The following SLC2A13 variants were observed in gnomAD, a reference collection of about 807,000 sequenced individuals.
SLC2A13 encodes proton myo-inositol cotransporter.
SLC2A13 carries 32 observed loss-of-function variants against 64.4 expected under a neutral mutation model. The ratio of observed to expected loss-of-function variants is 0.50; its 90% CI spans 0.37 to 0.67. The LOEUF is 0.67. Ranked by LOEUF, SLC2A13 falls within the 30% of genes least tolerant of loss-of-function variation. The probability of loss-of-function intolerance (pLI) is 0.00; values close to 1 mark genes in which losing one functional copy is unlikely to be tolerated. For missense variants in SLC2A13, 743 were observed against 829.2 expected (o/e 0.90, Z 1.28); for synonymous variants, 338 against 327.1 (o/e 1.03, Z -0.36).
intron 7 of SLC2A13, among the ~76,000 whole-genome samples, chr12:39,825,170 A>C (rs1382617710): frequency 6.6e-6 from 1 of 152,206 alleles, no homozygotes; most frequent in Non-Finnish European, 1.5e-5. Context: ...CAAATACTGA[A>C]TCAGCGCATT....
chr12:40,095,155 C>A (rs1281137607), intron 1 of SLC2A13, among the ~76,000 whole-genome samples: 1 of 152,214 alleles, frequency 6.6e-6, no homozygotes, highest in East Asian at 1.9e-4. Flanking sequence ...ACCCACACCA[C>A]TATTATACGA....
chr12:40,057,970 C>T (rs987247492), intron 1 of SLC2A13, among the ~76,000 whole-genome samples: 2 of 151,850 alleles, frequency 1.3e-5, no homozygotes, highest in South Asian at 2.1e-4. Context: ...CTTCATCAAC[C>T]ACTTACAATA....
At chr12:39,990,018 C>A (rs558574601) in intron 3 of SLC2A13, among the ~76,000 whole-genome samples, 2 of 152,136 alleles carry the variant, frequency 1.3e-5, no homozygotes, top group African/African-American at 4.8e-5. Context: ...GACTATAGCT[C>A]TAATTTTTAA....
chr12:40,009,597 T>G (rs1409296880), intron 3 of SLC2A13, among the ~76,000 whole-genome samples: 1 of 152,110 alleles, frequency 6.6e-6, no homozygotes, highest in Non-Finnish European at 1.5e-5. Flanking sequence ...ACCCAGCCAA[T>G]TTTTTAAAAA....
chr12:39,817,256 G>A (rs544445437), intron 7 of SLC2A13, among the ~76,000 whole-genome samples: 6 of 152,112 alleles, frequency 3.9e-5, no homozygotes, highest in Admixed American at 6.6e-5. Flanking sequence ...AACCAATTCC[G>A]GGTTGCTCAT....
At chr12:40,010,658 C>T (rs890119289) in intron 3 of SLC2A13, among the ~76,000 whole-genome samples, 2 of 152,176 alleles carry the variant, frequency 1.3e-5, no homozygotes, top group African/African-American at 4.8e-5. Flanking sequence ...TCTTTAATGA[C>T]ATCTTTATTG....
chr12:40,016,662 T>C (rs924277985), intron 3 of SLC2A13, among the ~76,000 whole-genome samples: 1 of 152,202 alleles, frequency 6.6e-6, no homozygotes. Flanking sequence ...TAGTCTGAAT[T>C]ATAATCTATT....
intron 3 of SLC2A13, among the ~76,000 whole-genome samples, chr12:39,969,220 T>G (rs1946595478): frequency 6.6e-6 from 1 of 152,238 alleles, no homozygotes; most frequent in African/African-American, 2.4e-5. Flanking sequence ...TTGGGTTGGT[T>G]CCAAGTCTTT....
intron 4 of SLC2A13, among the ~76,000 whole-genome samples, chr12:39,885,556 A>C (rs972480033): frequency 6.6e-6 from 1 of 152,140 alleles, no homozygotes; most frequent in Non-Finnish European, 1.5e-5. Context: ...CAATTATTAC[A>C]AAAAACTTTC....
chr12:40,036,294 C>G (rs1947982829), intron 2 of SLC2A13, among the ~76,000 whole-genome samples: 1 of 152,102 alleles, frequency 6.6e-6, no homozygotes. Flanking sequence ...ACAGAGAAAT[C>G]CACCATAAGG....
intron 4 of SLC2A13, among the ~76,000 whole-genome samples, chr12:39,920,013 A>T (rs1945587629): frequency 6.6e-6 from 1 of 151,956 alleles, no homozygotes; most frequent in South Asian, 2.1e-4. Flanking sequence ...GTTACTTAGG[A>T]GTCCAGCTGT....
intron 4 of SLC2A13, among the ~76,000 whole-genome samples, chr12:39,878,580 T>A (rs1225079446): frequency 6.6e-6 from 1 of 152,180 alleles, no homozygotes; most frequent in East Asian, 1.9e-4. Flanking sequence ...TAGAAGAAAC[T>A]TCTAAGCAAC....
chr12:39,828,207 C>T (rs1192087839), intron 7 of SLC2A13, among the ~76,000 whole-genome samples: 1 of 152,120 alleles, frequency 6.6e-6, no homozygotes, highest in Non-Finnish European at 1.5e-5. Context: ...AGCAGTGGTC[C>T]ACCTAGAAGG....
At chr12:39,823,744 T>C (rs1010764455) in intron 7 of SLC2A13, among the ~76,000 whole-genome samples, 1 of 152,200 alleles carries the variant, frequency 6.6e-6, no homozygotes, top group African/African-American at 2.4e-5. Flanking sequence ...CCACCTCACC[T>C]GGCTTCTTCC....
intron 7 of SLC2A13, among the ~76,000 whole-genome samples, chr12:39,797,753 C>T (rs796810336): frequency 2.0e-5 from 3 of 152,036 alleles, no homozygotes; most frequent in Non-Finnish European, 4.4e-5. Flanking sequence ...CACACACACA[C>T]ACACACACAC....
chr12:39,775,835 C>T (rs1339560509), intron 7 of SLC2A13, among the ~76,000 whole-genome samples: 2 of 152,098 alleles, frequency 1.3e-5, no homozygotes, highest in Non-Finnish European at 2.9e-5. Context: ...TACTTGAGAC[C>T]AGAAGTGTTT....
At chr12:40,013,105 T>C (rs1002789417) in intron 3 of SLC2A13, among the ~76,000 whole-genome samples, 4 of 152,006 alleles carry the variant, frequency 2.6e-5, no homozygotes, top group Admixed American at 1.3e-4. Flanking sequence ...AAAAGATACA[T>C]GCAGAGGATG....
chr12:39,987,289 G>A (rs1294079876), intron 3 of SLC2A13, among the ~76,000 whole-genome samples: 6 of 152,182 alleles, frequency 3.9e-5, no homozygotes, highest in Non-Finnish European at 8.8e-5. Flanking sequence ...TGAGGTAAGT[G>A]CTGCAACTGA....
intron 7 of SLC2A13, among the ~76,000 whole-genome samples, chr12:39,783,011 C>A (rs1377039972): frequency 6.6e-6 from 1 of 152,028 alleles, no homozygotes; most frequent in African/African-American, 2.4e-5. Context: ...TTAATGCTAT[C>A]CCTCCCCGCT....
Sources: allele counts gnomAD v4.1 joint callset (sites outside exome capture counted in the v4.1 genomes callset), GRCh38; gene constraint gnomAD v4.1.1; transcripts MANE v1.5; gene names NCBI Gene and HGNC (gene_info 2026-07-23, HGNC 2026-07-21).